The following FAM83A variants were observed in gnomAD, a reference collection of about 807,000 sequenced individuals.
FAM83A encodes scaffolding CK1 anchoring protein A, also known as protein FAM83A.
FAM83A carries 21 observed loss-of-function variants against 24.4 expected under a neutral mutation model. The ratio of observed to expected loss-of-function variants is 0.86; its 90% confidence interval spans 0.61 to 1.24. The LOEUF (loss-of-function observed/expected upper bound fraction) is 1.24, where lower values mean the gene tolerates loss of function less well. FAM83A is among the 50% of genes most tolerant of loss of function. The probability of loss-of-function intolerance (pLI) is 0.00; values close to 1 mark genes in which losing one functional copy is unlikely to be tolerated. For missense variants in FAM83A, 617 were observed against 579.8 expected (o/e 1.06, Z -0.66); for synonymous variants, 270 against 252.4 (o/e 1.07, Z -0.66).
At chr8:123,207,494 C>G (rs1824598807) in exon 4 of FAM83A, 1 of 1,582,492 alleles carries the variant, frequency 6.3e-7, no homozygotes, top group Non-Finnish European at 8.6e-7. Context: ...CCGGTTCCAG[C>G]CCCACCAAGG....
At chr8:123,189,706 C>T (rs576501473) in intron 1 of FAM83A, among the ~76,000 whole-genome samples, 1 of 152,316 alleles carries the variant, frequency 6.6e-6, no homozygotes, top group African/African-American at 2.4e-5. Flanking sequence ...TTGAGTCTTC[C>T]TGCCTTTGCT....
exon 4 of FAM83A, chr8:123,208,982 G>C: frequency 2.1e-6 from 2 of 972,182 alleles, no homozygotes; most frequent in Non-Finnish European, 2.4e-6. Context: ...AAAAAAAAAA[G>C]AGAGAGAGCA....
At chr8:123,197,364 ACCGAGGGTCC>A in intron 3 of FAM83A, among the ~76,000 whole-genome samples, 1 of 152,290 alleles carries the variant, frequency 6.6e-6, no homozygotes, top group South Asian at 2.1e-4. Context: ...CCTTCATAGC[ACCGAGGGTCC>A]CCATGTAAGT....
chr8:123,187,900 G>A (rs1452765703), intron 1 of FAM83A, among the ~76,000 whole-genome samples: 1 of 151,518 alleles, frequency 6.6e-6, no homozygotes, highest in Non-Finnish European at 1.5e-5. Flanking sequence ...TCGCTCTGTT[G>A]CCCAGGCTGG....
chr8:123,182,809 A>G, exon 1 of FAM83A: 2 of 1,506,748 alleles, frequency 1.3e-6, no homozygotes, highest in South Asian at 2.7e-5. Context: ...CCACATCTGG[A>G]GGAGCTGACG....
intron 1 of FAM83A, among the ~76,000 whole-genome samples, chr8:123,188,470 G>A (rs139425827): frequency 6.6e-6 from 1 of 150,450 alleles, no homozygotes; most frequent in Non-Finnish European, 1.5e-5. Context: ...TTCTTTTTTC[G>A]TTTCTTTTTC....
rs199931629 is a variant in FAM83A at position 123,207,252 on chromosome 8, A to G, written c.869A>G (p.Tyr290Cys). Residue 290 changes from tyrosine to cysteine, a missense_variant, in exon 4 of 4, where the codon TAC becomes TGC. By Grantham distance (194) the Tyr-to-Cys change is radical. Transcript: ENST00000690554. ...TTTGACGAGGAGTTCCGCCACCTCT[A>G]CGCCTCCTCCAAGCCTGTGATGGGC... The G allele has an allele frequency of 7.4e-6, 12 of 1,612,022 alleles. No individual in the cohort carries two copies. The Admixed American group carries it at 1.7e-4, about 22-fold the overall frequency.
chr8:123,203,609 G>GT (rs1824439881), intron 3 of FAM83A, among the ~76,000 whole-genome samples: 1 of 127,604 alleles, frequency 7.8e-6, no homozygotes, highest in African/African-American at 3.2e-5. Flanking sequence ...AAAAAAAAAA[G>GT]TAAGAAAAGA....
Position 123,209,383 on chromosome 8 carries a change from T to TATC in FAM83A, c.*1697_*1698insCAT, listed in dbSNP as rs1221407023. The stretch of plus-strand genomic sequence containing the variant: ...TGGTTTCTTTTATTATTATTATTAT[T>TATC]ATTAATTATTGTATTCCTGTCCTTC... On this transcript the variant is annotated 3_prime_UTR_variant, in exon 4 of 4. Coordinates refer to ENST00000690554, the Ensembl canonical transcript of FAM83A. The surrounding 1 kb of genome is among the most constrained non-coding windows in gnomAD (Gnocchi z 4.7). 4 of 1,512,760 alleles carry TATC rather than the reference T, an allele frequency of 2.6e-6. No homozygotes were observed. Among genetic ancestry groups the TATC allele is most frequent in the Non-Finnish European group, 3.5e-6 (4 of 1,133,252 alleles). 93.7% of individuals were successfully genotyped at this position (1,512,760 alleles called of 1,614,324 possible).
chr8:123,182,850 G>A (rs111237881), exon 1 of FAM83A: 27 of 1,519,358 alleles, frequency 1.8e-5, no homozygotes, highest in South Asian at 5.3e-5. Context: ...ACCCAGGGAC[G>A]GGAGGCATGA....
rs1171432582 is a variant in FAM83A at position 123,182,684 on chromosome 8, G to T, written c.-173G>T. The T allele has an allele frequency of 5.2e-6, 5 of 961,716 alleles. No individual in the cohort carries two copies. The East Asian group carries it at 1.3e-4, about 25-fold the overall frequency. 59.6% of individuals were successfully genotyped at this position (961,716 alleles called of 1,614,324 possible). Reference sequence around the variant, plus strand: ...CAGATGAGGAGTTCTGAGAAGCATTGCTCAGGACAGCGGTAAATCACTTCT... The same window carrying T: ...CAGATGAGGAGTTCTGAGAAGCATTTCTCAGGACAGCGGTAAATCACTTCT... On this transcript the variant is annotated 5_prime_UTR_variant, in exon 1 of 4. Transcript: ENST00000690554.
At chr8:123,210,032 C>T (rs904400505) in exon 4 of FAM83A, 14 of 174,720 alleles carry the variant, frequency 8.0e-5, no homozygotes, top group Non-Finnish European at 1.6e-4. Flanking sequence ...CACCAACCCA[C>T]AATGGATATG....
chr8:123,208,540 C>T, exon 4 of FAM83A: 1 of 985,570 alleles, frequency 1.0e-6, no homozygotes, highest in East Asian at 1.1e-4. Flanking sequence ...ATCCAGGTGC[C>T]TCTGACCAGC....
chr8:123,183,424 C>T, intron 1 of FAM83A, 88 bp downstream of exon 1: 1 of 1,524,136 alleles, frequency 6.6e-7, no homozygotes, highest in Non-Finnish European at 8.8e-7. Context: ...CATTTTGCTC[C>T]CAGGGCGAGA....
chr8:123,208,624 C>T (rs1824641386), exon 4 of FAM83A: 17 of 985,540 alleles, frequency 1.7e-5, no homozygotes, highest in Non-Finnish European at 2.0e-5. Flanking sequence ...TCACAGTGCC[C>T]CTCTTTGTTT....
chr8:123,198,517 C>A (rs1824236307), intron 3 of FAM83A, among the ~76,000 whole-genome samples: 1 of 152,190 alleles, frequency 6.6e-6, no homozygotes, highest in Non-Finnish European at 1.5e-5. Flanking sequence ...GTGGGGGCTT[C>A]CTCCCTCTAC....
intron 1 of FAM83A, 71 bp downstream of exon 1, chr8:123,183,407 G>A (rs1028909122): frequency 3.5e-5 from 54 of 1,540,332 alleles, no homozygotes; most frequent in Middle Eastern, 3.5e-4. Flanking sequence ...GAGCAGGGAG[G>A]GGGGTGCATT....
At chr8:123,203,345 TGG>T (rs1457429698) in intron 3 of FAM83A, among the ~76,000 whole-genome samples, 2 of 151,712 alleles carry the variant, frequency 1.3e-5, no homozygotes, top group African/African-American at 4.8e-5. Context: ...CCCAGCACCT[TGG>T]GAGGCAGAGG....
chr8:123,207,922 G>C, exon 4 of FAM83A: 1 of 1,242,070 alleles, frequency 8.1e-7, no homozygotes, highest in Non-Finnish European at 1.0e-6. Context: ...GTTCCAGGGA[G>C]GTTGTGGGGC....
Sources: allele counts gnomAD v4.1 joint callset (sites outside exome capture counted in the v4.1 genomes callset), GRCh38; gene constraint gnomAD v4.1.1; non-coding constraint Gnocchi (gnomAD v3.1); transcripts MANE v1.5; gene names NCBI Gene and HGNC (gene_info 2026-07-23, HGNC 2026-07-21).